Variants in SERGEF observed in about 807,000 individuals in gnomAD.
SERGEF encodes secretion-regulating guanine nucleotide exchange factor.
SERGEF carries 51 observed loss-of-function variants against 50.0 expected under a neutral mutation model. The observed-to-expected ratio is 1.02, with a 90% confidence interval of 0.81 to 1.29. The LOEUF (loss-of-function observed/expected upper bound fraction) is 1.29. SERGEF is among the 50% of genes most tolerant of loss of function. The pLI, the probability that SERGEF is intolerant of heterozygous loss-of-function variation, is 0.00. For synonymous variants in SERGEF, 205 were observed against 212.4 expected, an observed-to-expected ratio of 0.97 and a Z score of 0.30; for missense variants, 521 against 557.0, an observed-to-expected ratio of 0.94 and a Z score of 0.65.
intron 5 of SERGEF, 43 bp downstream of exon 5, chr11:18,000,454 A>T: frequency 7.4e-7 from 1 of 1,343,670 alleles, no homozygotes; most frequent in South Asian, 1.3e-5. Flanking sequence ...ATCTCTAAAA[A>T]GTATTAAAAA....
chr11:17,993,637 C>A (rs1380253982), intron 6 of SERGEF, among the ~76,000 whole-genome samples: 1 of 152,114 alleles, frequency 6.6e-6, no homozygotes, highest in African/African-American at 2.4e-5. Context: ...TAGACGCAGA[C>A]TTATTCTGTA....
chr11:17,919,150 A>G (rs1852108127), intron 9 of SERGEF, among the ~76,000 whole-genome samples: 1 of 152,246 alleles, frequency 6.6e-6, no homozygotes, highest in Admixed American at 6.5e-5. Flanking sequence ...TGCTTCCTCC[A>G]TTAGACTGAA....
intron 9 of SERGEF, among the ~76,000 whole-genome samples, chr11:17,928,239 T>C (rs1337376455): frequency 2.0e-5 from 3 of 152,186 alleles, no homozygotes; most frequent in Non-Finnish European, 4.4e-5. Flanking sequence ...GTCTCCTGAC[T>C]GGTCCTCACC....
chr11:17,840,785 A>G (rs1324679868), intron 10 of SERGEF, among the ~76,000 whole-genome samples: 4 of 152,244 alleles, frequency 2.6e-5, no homozygotes, highest in Non-Finnish European at 4.4e-5. Flanking sequence ...AGTATTCTCT[A>G]AAATCACAAG....
Position 17,969,458 on chromosome 11 carries a change from C to G in SERGEF, c.845-9822G>C, listed in dbSNP as rs979900622. 1.6e-4 allele frequency among the ~76,000 whole-genome samples: 24 copies of G among 152,252 alleles called. No homozygotes were observed. In the East Asian group the frequency reaches 4.4e-3, roughly 28 times the overall value. On this transcript the variant is annotated intron_variant, in intron 8 of 10. Coordinates refer to ENST00000265965, the MANE Select transcript of SERGEF (RefSeq NM_012139.4). Reference sequence around the variant, plus strand: ...CCCGGCAAGAAAGGAAACTATACCCCAGGGCTTCTGCAGCTAAGAATCACA... The same window carrying G: ...CCCGGCAAGAAAGGAAACTATACCCGAGGGCTTCTGCAGCTAAGAATCACA...
At chr11:17,978,378 C>T (rs1401469318) in intron 8 of SERGEF, among the ~76,000 whole-genome samples, 1 of 152,194 alleles carries the variant, frequency 6.6e-6, no homozygotes, top group Non-Finnish European at 1.5e-5. Context: ...GGGTATAGGA[C>T]TTAAGAGATG....
intron 9 of SERGEF, among the ~76,000 whole-genome samples, chr11:17,890,900 G>A (rs1044095517): frequency 2.6e-5 from 4 of 152,118 alleles, no homozygotes; most frequent in African/African-American, 9.7e-5. Flanking sequence ...AAACTTGAAG[G>A]GGTTCCCACT....
chr11:17,842,377 C>T (rs748270402), intron 10 of SERGEF, among the ~76,000 whole-genome samples: 4 of 152,164 alleles, frequency 2.6e-5, no homozygotes, highest in Non-Finnish European at 4.4e-5. Flanking sequence ...GTATCCACTA[C>T]AGTGAAACAC....
At chr11:17,880,196 G>C (rs1295574834) in intron 9 of SERGEF, among the ~76,000 whole-genome samples, 1 of 152,228 alleles carries the variant, frequency 6.6e-6, no homozygotes, top group African/African-American at 2.4e-5. Context: ...AGTATTTCCA[G>C]GTTGTTTAGT....
rs528521311 is a variant in SERGEF at position 17,802,965 on chromosome 11, C to A, written c.1049-14552G>T. Among the ~76,000 whole-genome samples the A allele has an allele frequency of 9.8e-5, 15 of 152,354 alleles. 1 individual carries two copies. The South Asian group carries it at 2.7e-3, about 27-fold the overall frequency. ...TTTTATTCAACTGCTGTATCTCCAG[C>A]ACTTAGAAAAGGTATGAGTATATAA... On this transcript the variant is annotated intron_variant, in intron 10 of 10. Transcript: ENST00000265965.
intron 10 of SERGEF, among the ~76,000 whole-genome samples, chr11:17,839,934 A>G (rs777851984): frequency 2.0e-5 from 3 of 152,230 alleles, no homozygotes; most frequent in Non-Finnish European, 2.9e-5. Flanking sequence ...TTCTGACTTC[A>G]AGGACACATC....
intron 9 of SERGEF, among the ~76,000 whole-genome samples, chr11:17,889,528 G>A (rs1380325607): frequency 2.0e-5 from 3 of 152,156 alleles, no homozygotes; most frequent in African/African-American, 4.8e-5. Context: ...AATGTCATAA[G>A]AGATAAAGAA....
At chr11:17,795,586 C>T (rs1326276463) in intron 10 of SERGEF, among the ~76,000 whole-genome samples, 2 of 152,212 alleles carry the variant, frequency 1.3e-5, no homozygotes, top group Non-Finnish European at 2.9e-5. Flanking sequence ...GTCTGTCTCT[C>T]ATCACCCCTG....
At chr11:17,959,099 C>T (rs1262472170) in intron 9 of SERGEF, among the ~76,000 whole-genome samples, 3 of 152,122 alleles carry the variant, frequency 2.0e-5, no homozygotes, top group South Asian at 2.1e-4. Context: ...GAACTCCTGA[C>T]GTCAGGCAGT....
chr11:17,821,018 T>C (rs1159738419), intron 10 of SERGEF, among the ~76,000 whole-genome samples: 1 of 152,142 alleles, frequency 6.6e-6, no homozygotes, highest in Non-Finnish European at 1.5e-5. Flanking sequence ...CTCTCTTCTT[T>C]ATAAGAGAAA....
chr11:17,864,573 TG>T (rs1850987726), intron 10 of SERGEF, among the ~76,000 whole-genome samples: 1 of 152,230 alleles, frequency 6.6e-6, no homozygotes, highest in South Asian at 2.1e-4. Flanking sequence ...ATCATGTTTC[TG>T]GCCTGTTGGA....
In SERGEF at chr11:17,942,646, T is replaced by C. The variant is rs552757811; in HGVS notation, c.1011+16824A>G. On this transcript the variant is annotated intron_variant, in intron 9 of 10. Transcript: ENST00000265965. ...TGGCTAGAACCTCCATCCAGTATAA[T>C]AGTGAATAAAAATGGTGAGAGGACA... 2.6e-5 allele frequency among the ~76,000 whole-genome samples: 4 copies of C among 152,280 alleles called. No individual in the cohort carries two copies. The South Asian group carries it at 6.2e-4, about 24-fold the overall frequency.
intron 8 of SERGEF, among the ~76,000 whole-genome samples, chr11:17,977,993 C>T (rs1469204372): frequency 6.6e-6 from 1 of 152,200 alleles, no homozygotes; most frequent in Non-Finnish European, 1.5e-5. Flanking sequence ...CCCATAAGGT[C>T]ACCTTGAGAG....
At chr11:17,848,936 TG>T (rs1372937658) in intron 10 of SERGEF, among the ~76,000 whole-genome samples, 7 of 152,212 alleles carry the variant, frequency 4.6e-5, no homozygotes, top group Admixed American at 4.6e-4. Context: ...TACAGTCGAA[TG>T]GGGCGGTACC....
Sources: gnomAD v4.1 joint callset for allele counts (sites outside exome capture counted in the v4.1 genomes callset) on GRCh38, gnomAD v4.1.1 for gene constraint, MANE v1.5 for transcripts, NCBI Gene and HGNC (gene_info 2026-07-23, HGNC 2026-07-21) for gene names.